TMPRSS2: variants seen among roughly 807,000 people sequenced by gnomAD.
The protein encoded by TMPRSS2 is transmembrane serine protease 2, also known as transmembrane protease serine 2.
TMPRSS2 carries 59 observed loss-of-function variants against 67.4 expected under a neutral mutation model. The ratio of observed to expected loss-of-function variants is 0.88; its 90% CI spans 0.71 to 1.09. The LOEUF (loss-of-function observed/expected upper bound fraction) is 1.09, where lower values mean the gene tolerates loss of function less well. Among genes scored for constraint, TMPRSS2 ranks in the 50% least tolerant of loss-of-function variants. The probability of loss-of-function intolerance (pLI) is 0.00; values close to 1 mark genes in which losing one functional copy is unlikely to be tolerated. For synonymous variants in TMPRSS2, 257 were observed against 257.0 expected (o/e 1.00, Z 0.00); for missense variants, 668 against 642.7 (o/e 1.04, Z -0.43).
intron 1 of TMPRSS2, among the ~76,000 whole-genome samples, chr21:41,505,871 C>G (rs781662904): frequency 6.6e-6 from 1 of 152,136 alleles, no homozygotes; most frequent in Non-Finnish European, 1.5e-5. Flanking sequence ...ACTCAGAGCC[C>G]GACACTGGAA....
intron 1 of TMPRSS2, 45 bp from the exon 2 acceptor site, chr21:41,498,234 G>T: frequency 7.6e-7 from 1 of 1,311,340 alleles, no homozygotes; most frequent in Non-Finnish European, 1.1e-6. Context: ...ATACCAGTTA[G>T]TTTTTAGAAG....
intron 9 of TMPRSS2, 84 bp from the exon 10 acceptor site, chr21:41,472,065 G>A (rs1426650953): frequency 1.5e-6 from 2 of 1,358,294 alleles, no homozygotes; most frequent in East Asian, 2.3e-5. Flanking sequence ...GAAGCTGGAG[G>A]CAAGACACCC....
intron 2 of TMPRSS2, 166 bp from the exon 3 acceptor site, chr21:41,494,744 T>C (rs2091367528): frequency 2.6e-6 from 2 of 760,246 alleles, no homozygotes; most frequent in Admixed American, 4.4e-5. Context: ...CTTGTACAGT[T>C]AGAGATTAAT....
At chr21:41,492,810 T>G (rs2091348139) in intron 3 of TMPRSS2, among the ~76,000 whole-genome samples, 1 of 152,186 alleles carries the variant, frequency 6.6e-6, no homozygotes, top group South Asian at 2.1e-4. Context: ...CTTCCTGGGT[T>G]TAGCCATCAC....
At chr21:41,502,546 G>C in intron 1 of TMPRSS2, 1 of 985,350 alleles carries the variant, frequency 1.0e-6, no homozygotes, top group Non-Finnish European at 1.2e-6. Context: ...CCCAGCCAAT[G>C]ACCAAATCAT....
chr21:41,464,774 T>C lies in TMPRSS2; in HGVS notation c.*1368A>G, dbSNP rs377038375. On this transcript the variant is annotated 3_prime_UTR_variant, in exon 14 of 14. Transcript: ENST00000332149. ...CTGTTTCCAAGGTCCCTGGGAATGC[T>C]GCTCTCTACAGAGGCATGTGCACAG... The C allele has an allele frequency of 7.7e-5, 18 of 233,356 alleles. No individual in the cohort carries two copies. The highest frequency in any genetic ancestry group is 3.9e-4 in the Admixed American group (7 of 17,804). The allele number at this position is 233,356 out of a possible 1,614,324, so 14.5% of individuals were successfully genotyped here. A position where few individuals can be genotyped will look rare whatever the true frequency, so the allele number is the denominator to read the frequency against.
At chr21:41,492,148 G>A (rs1477125749) in intron 3 of TMPRSS2, among the ~76,000 whole-genome samples, 2 of 152,180 alleles carry the variant, frequency 1.3e-5, no homozygotes, top group African/African-American at 2.4e-5. Context: ...AGCTGAGATC[G>A]TGCCACTGCA....
chr21:41,486,235 T>G (rs1463275442), intron 5 of TMPRSS2, among the ~76,000 whole-genome samples: 3 of 152,204 alleles, frequency 2.0e-5, no homozygotes, highest in Admixed American at 2.0e-4. Context: ...AACTAAGATA[T>G]GAGAGCACAC....
intron 5 of TMPRSS2, chr21:41,486,910 A>C (rs1275276768): frequency 1.3e-5 from 2 of 152,260 alleles, no homozygotes; most frequent in African/African-American, 4.8e-5. Flanking sequence ...GTTGTAGAAG[A>C]GAAATGGAGA....
At chr21:41,484,914 T>C (rs1204902631) in intron 5 of TMPRSS2, among the ~76,000 whole-genome samples, 1 of 152,080 alleles carries the variant, frequency 6.6e-6, no homozygotes, top group Non-Finnish European at 1.5e-5. Context: ...TGGTATCCAG[T>C]GCAGGAGAGT....
chr21:41,471,602 GA>G (rs2091133629), intron 10 of TMPRSS2, among the ~76,000 whole-genome samples: 1 of 152,194 alleles, frequency 6.6e-6, no homozygotes, highest in African/African-American at 2.4e-5. Context: ...GTACAGTACA[GA>G]ACAGATGTGG....
chr21:41,494,210 T>G, intron 3 of TMPRSS2, 146 bp downstream of exon 3: 1 of 883,858 alleles, frequency 1.1e-6, no homozygotes. Flanking sequence ...TGGAAAGGCA[T>G]GAAGACAGGC....
At chr21:41,505,515 G>A (rs2091451819) in intron 1 of TMPRSS2, among the ~76,000 whole-genome samples, 1 of 152,194 alleles carries the variant, frequency 6.6e-6, no homozygotes, top group Admixed American at 6.5e-5. Flanking sequence ...CCAGCGTCTT[G>A]TCACTCAATG....
intron 3 of TMPRSS2, among the ~76,000 whole-genome samples, chr21:41,490,408 C>T (rs1216780359): frequency 6.6e-6 from 1 of 152,146 alleles, no homozygotes; most frequent in Non-Finnish European, 1.5e-5. Context: ...TAATTAATGT[C>T]CCATGGAATT....
At chr21:41,467,357 C>G (rs1012878611) in intron 13 of TMPRSS2, among the ~76,000 whole-genome samples, 3 of 151,228 alleles carry the variant, frequency 2.0e-5, no homozygotes, top group Middle Eastern at 3.4e-3. Flanking sequence ...CCACTGCACT[C>G]CAGCCTGGGC....
At chr21:41,495,793 G>A (rs989967057) in intron 2 of TMPRSS2, among the ~76,000 whole-genome samples, 9 of 151,802 alleles carry the variant, frequency 5.9e-5, no homozygotes, top group African/African-American at 9.7e-5. Context: ...CACTCAAGAC[G>A]TACAGACTCA....
In TMPRSS2 at chr21:41,464,597, T is replaced by G. The variant is rs1333332275; in HGVS notation, c.*1545A>C. 1.3e-5 allele frequency: 3 copies of G among 231,948 alleles called. No homozygotes were observed. The highest frequency in any genetic ancestry group is 2.6e-5 in the Non-Finnish European group (3 of 117,246). 14.4% of individuals were successfully genotyped at this position (231,948 alleles called of 1,614,324 possible). A position where few individuals can be genotyped will look rare whatever the true frequency, so the allele number is the denominator to read the frequency against. Reference sequence around the variant, plus strand: ...ATAATTTATTTGCATGATATTCATTTTCACAATTGAACTTTACAGTTTAAA... The same window carrying G: ...ATAATTTATTTGCATGATATTCATTGTCACAATTGAACTTTACAGTTTAAA... On this transcript the variant is annotated 3_prime_UTR_variant, in exon 14 of 14. Transcript: ENST00000332149.
At chr21:41,498,779 C>A (rs1569027228) in intron 1 of TMPRSS2, among the ~76,000 whole-genome samples, 3 of 152,208 alleles carry the variant, frequency 2.0e-5, no homozygotes. Flanking sequence ...CAGTTCCTGG[C>A]AACACAGCTC....
chr21:41,490,129 C>CA (rs1308613165), intron 3 of TMPRSS2, among the ~76,000 whole-genome samples: 1 of 120,692 alleles, frequency 8.3e-6, no homozygotes, highest in Non-Finnish European at 1.6e-5. Context: ...GCCTGGGCGA[C>CA]AGAGCAAAAA....
Sources: gnomAD v4.1 joint callset for allele counts (sites outside exome capture counted in the v4.1 genomes callset) on GRCh38, gnomAD v4.1.1 for gene constraint, MANE v1.5 for transcripts, NCBI Gene and HGNC (gene_info 2026-07-23, HGNC 2026-07-21) for gene names.